ACAA2: variants seen among roughly 807,000 people sequenced by gnomAD.
The protein encoded by ACAA2 is acetyl-CoA acyltransferase 2.
A neutral mutation model predicts 44.8 loss-of-function variants in ACAA2; 35 were observed. The ratio of observed to expected loss-of-function variants is 0.78; its 90% CI spans 0.60 to 1.04. The LOEUF is 1.04. Ranked by LOEUF, ACAA2 falls within the 50% of genes least tolerant of loss-of-function variation. ACAA2 has a pLI of 0.00. For synonymous variants in ACAA2, 142 were observed against 166.5 expected (o/e 0.85, Z 1.13); for missense variants, 468 against 482.6 (o/e 0.97, Z 0.28).
intron 1 of ACAA2, among the ~76,000 whole-genome samples, chr18:49,803,300 C>A (rs1266303280): frequency 6.7e-6 from 1 of 148,804 alleles, no homozygotes; most frequent in African/African-American, 2.5e-5. Context: ...CTGACCTAAA[C>A]TACTTGTGTT....
In ACAA2 at chr18:49,800,558, ATTC is replaced by A. The variant is rs565815064; in HGVS notation, c.183+2126_183+2128del. On this transcript the variant is annotated intron_variant, in intron 2 of 9. Transcript: ENST00000285093. Reference sequence around the variant, plus strand: ...TTCATTTTGTTTTGTACTAAGAAAAATTCTTCTGCCTTGGGATCCTGTTGATCT... The same window carrying A: ...TTCATTTTGTTTTGTACTAAGAAAAATTCTGCCTTGGGATCCTGTTGATCT... Among the ~76,000 whole-genome samples, 593 of 152,282 alleles carry A rather than the reference ATTC, an allele frequency of 3.9e-3. 4 individuals are homozygous for A. The highest frequency in any genetic ancestry group is 0.014 in the African/African-American group (577 of 41,538).
Position 49,792,384 on chromosome 18 carries a change from T to TCAAA in ACAA2, c.578-61_578-58dup, listed in dbSNP as rs2023413860. 2.1e-6 allele frequency: 3 copies of TCAAA among 1,398,804 alleles called. No individual in the cohort carries two copies. In the Admixed American group the frequency reaches 5.8e-5, roughly 27 times the overall value. The allele number at this position is 1,398,804 out of a possible 1,614,324, so 86.6% of individuals were successfully genotyped here. ...TAAAAGAGAGAAACATGAAAATAAA[T>TCAAA]CAAACATATTATTCAATTTAATTTC... is the stretch of plus-strand genomic sequence containing the variant. On this transcript the variant is annotated intron_variant, in intron 5 of 9. Coordinates refer to ENST00000285093, the MANE Select transcript of ACAA2 (RefSeq NM_006111.3).
chr18:49,789,770 G>C (rs3018195), intron 7 of ACAA2, among the ~76,000 whole-genome samples: 1 of 151,560 alleles, frequency 6.6e-6, no homozygotes, highest in Admixed American at 6.6e-5. Flanking sequence ...GATCACCTGA[G>C]GTCAGTAGTT....
Position 49,803,067 on chromosome 18 carries a change from A to G in ACAA2, c.17-214T>C, listed in dbSNP as rs538960247. 8.2e-5 allele frequency: 50 copies of G among 606,930 alleles called. No individual in the cohort carries two copies. The African/African-American group carries it at 8.6e-4, about 10-fold the overall frequency. The allele number at this position is 606,930 out of a possible 1,614,324, so 37.6% of individuals were successfully genotyped here. On this transcript the variant is annotated intron_variant, in intron 1 of 9. Coordinates refer to ENST00000285093, the MANE Select transcript of ACAA2 (RefSeq NM_006111.3). ...GATCTTTACCTACATGCAGGTACCA[A>G]GAACTGCACTGCATGCTGTTAAGGA...
intron 1 of ACAA2, among the ~76,000 whole-genome samples, chr18:49,811,845 C>G (rs1460082152): frequency 6.6e-6 from 1 of 152,156 alleles, no homozygotes; most frequent in African/African-American, 2.4e-5. Context: ...TCTAACACTA[C>G]AGTAAATTGT....
At chr18:49,792,430 G>T in intron 5 of ACAA2, 103 bp from the exon 6 acceptor site, 1 of 1,073,530 alleles carries the variant, frequency 9.3e-7, no homozygotes, top group Non-Finnish European at 1.3e-6. Flanking sequence ...TTTCCTCACA[G>T]TCTACTTTAA....
chr18:49,799,535 G>A (rs1328851190), intron 2 of ACAA2, among the ~76,000 whole-genome samples: 1 of 152,200 alleles, frequency 6.6e-6, no homozygotes, highest in African/African-American at 2.4e-5. Flanking sequence ...TGCCCAGGCT[G>A]GAGTGCAGTG....
At position 49,804,352 on chromosome 18, in the gene ACAA2, A is replaced by C. The variant is rs946544816; in HGVS notation, c.17-1499T>G. On this transcript the variant is annotated intron_variant, in intron 1 of 9. Transcript: ENST00000285093. ...ATGCTGCTACCGGTTCTAGAGTCAC[A>C]GGATGACTCAAGTTACAGACTTCAA... Among the ~76,000 whole-genome samples the C allele has an allele frequency of 2.0e-5, 3 of 152,320 alleles. No homozygotes were observed. The South Asian group carries it at 6.2e-4, about 32-fold the overall frequency.
At chr18:49,811,919 T>C (rs1456403083) in intron 1 of ACAA2, among the ~76,000 whole-genome samples, 1 of 152,228 alleles carries the variant, frequency 6.6e-6, no homozygotes, top group Non-Finnish European at 1.5e-5. Flanking sequence ...TTTTCCTTTT[T>C]GGGTTTATAG....
chr18:49,794,577 TTTTTTAAAAACATGCAATG>T (rs2023443490), intron 4 of ACAA2, 150 bp from the exon 5 acceptor site: 1 of 624,976 alleles, frequency 1.6e-6, no homozygotes, highest in African/African-American at 1.9e-5. Context: ...TTATGGGATA[TTTTTTAAAAACATGCAATG>T]TTTTTGAAAA....
Position 49,783,893 on chromosome 18 carries a change from A to G in ACAA2, c.1148T>C (p.Ile383Thr), listed in dbSNP as rs1297861948. 2.5e-6 allele frequency: 4 copies of G among 1,613,966 alleles called. No homozygotes were observed. In the African/African-American group the frequency reaches 5.3e-5, roughly 22 times the overall value. ...GACAGCAATACCTTGGCCACCTCCA[A>G]TGCAAGCTGATCCAACGGCATATTT... ...GGKYAVGSAC[I>T]GGGQGIAVII... Residue 383 changes from isoleucine to threonine, a missense_variant, in exon 10 of 10, where the codon ATT becomes ACT. By Grantham distance (89) the Ile-to-Thr change is moderately conservative (BLOSUM62 -1). Coordinates refer to ENST00000285093, the MANE Select transcript of ACAA2 (RefSeq NM_006111.3).
chr18:49,786,019 T>C (rs192838390), intron 8 of ACAA2: 3 of 150,106 alleles, frequency 2.0e-5, no homozygotes, highest in Admixed American at 2.0e-4. Context: ...GGCAATTACC[T>C]TACTTCAAGT....
At chr18:49,784,091 C>T (rs2023298103) in intron 9 of ACAA2, among the ~76,000 whole-genome samples, 160 bp from the exon 10 acceptor site, 1 of 151,448 alleles carries the variant, frequency 6.6e-6, no homozygotes, top group Admixed American at 6.6e-5. Flanking sequence ...AGGCAACAGA[C>T]TTTGGAAAGC....
chr18:49,792,419 T>TGAGAGAAACATGAAAA, intron 5 of ACAA2, 92 bp from the exon 6 acceptor site: 1 of 1,122,574 alleles, frequency 8.9e-7, no homozygotes, highest in Non-Finnish European at 1.3e-6. Context: ...CTGATCTACC[T>TGAGAGAAACATGAAAA]TTTCCTCACA....
chr18:49,785,144 T>C (rs932321920), intron 9 of ACAA2, 53 bp downstream of exon 9: 8 of 1,591,010 alleles, frequency 5.0e-6, no homozygotes, highest in Admixed American at 3.6e-5. Context: ...CCTAAATCCA[T>C]GCATTTCTAT....
At chr18:49,809,968 G>A (rs986528356) in intron 1 of ACAA2, among the ~76,000 whole-genome samples, 3 of 152,140 alleles carry the variant, frequency 2.0e-5, no homozygotes, top group Non-Finnish European at 2.9e-5. Flanking sequence ...GACCGGGCAA[G>A]GGAGCACATG....
At chr18:49,803,908 CTT>C (rs5824806) in intron 1 of ACAA2, among the ~76,000 whole-genome samples, 1,209 of 117,940 alleles carry the variant, frequency 0.01, 35 homozygotes, top group Admixed American at 0.07. Context: ...AATGATATTG[CTT>C]TTTTTTTTTT....
At chr18:49,800,360 G>A (rs1177709431) in intron 2 of ACAA2, among the ~76,000 whole-genome samples, 1 of 151,746 alleles carries the variant, frequency 6.6e-6, no homozygotes, top group Admixed American at 6.6e-5. Context: ...GAAGTGAGGA[G>A]CCCCTCTGCC....
intron 1 of ACAA2, among the ~76,000 whole-genome samples, chr18:49,804,411 GA>G (rs2023590370): frequency 1.3e-5 from 2 of 151,744 alleles, no homozygotes; most frequent in South Asian, 4.2e-4. Flanking sequence ...TTTACTCTTA[GA>G]AAAAAAATGG....
Sources: allele counts gnomAD v4.1 joint callset (sites outside exome capture counted in the v4.1 genomes callset), GRCh38; gene constraint gnomAD v4.1.1; transcripts MANE v1.5; gene names NCBI Gene and HGNC (gene_info 2026-07-23, HGNC 2026-07-21).